ANO1: variants seen among roughly 807,000 people sequenced by gnomAD.
The protein encoded by ANO1 is anoctamin-1.
ANO1 carries 59 observed loss-of-function variants against 124.0 expected under a neutral mutation model. That is an observed-to-expected ratio of 0.48 (90% CI 0.39 to 0.59). The LOEUF (loss-of-function observed/expected upper bound fraction) is 0.59. Among genes scored for constraint, ANO1 ranks in the 20% least tolerant of loss-of-function variants. The probability of loss-of-function intolerance (pLI) is 0.00; values close to 1 mark genes in which losing one functional copy is unlikely to be tolerated. For missense variants in ANO1, 1,059 were observed against 1,328.0 expected, an observed-to-expected ratio of 0.80 and a Z score of 3.15; for synonymous variants, 529 against 532.0, an observed-to-expected ratio of 0.99 and a Z score of 0.08.
chr11:70,048,864 A>G (rs1249313386), intron 1 of ANO1, among the ~76,000 whole-genome samples: 2 of 152,100 alleles, frequency 1.3e-5, no homozygotes, highest in Admixed American at 6.5e-5. Flanking sequence ...CTCAGCAGAA[A>G]GTGGACAGAC....
chr11:70,024,593 C>T (rs1437107872), intron 1 of ANO1, among the ~76,000 whole-genome samples: 1 of 152,184 alleles, frequency 6.6e-6, no homozygotes, highest in Non-Finnish European at 1.5e-5. Flanking sequence ...TTGCAATACC[C>T]CTGGGAAGCT....
At chr11:69,979,367 T>C in the ANO1 span, among the ~76,000 whole-genome samples, 1 of 152,200 alleles carries the variant, frequency 6.6e-6, no homozygotes, top group Admixed American at 6.5e-5. Flanking sequence ...TGGAGTTGAC[T>C]AGAAATCTCT....
At chr11:70,079,890 TG>T (rs1471955562) in intron 1 of ANO1, among the ~76,000 whole-genome samples, 1 of 152,150 alleles carries the variant, frequency 6.6e-6, no homozygotes, top group Non-Finnish European at 1.5e-5. Flanking sequence ...GGGGGTGGCC[TG>T]GGGGCATCTC....
At chr11:70,050,261 C>A in intron 1 of ANO1, among the ~76,000 whole-genome samples, 1 of 152,124 alleles carries the variant, frequency 6.6e-6, no homozygotes, top group East Asian at 1.9e-4. Flanking sequence ...CTGTTTAGTA[C>A]CTGTCACAGG....
At position 70,187,971 on chromosome 11, in the gene ANO1, C is replaced by G. The variant is rs758026098; in HGVS notation, c.2928C>G (p.Ala976=). Residue 976 remains alanine (A), a synonymous_variant, in exon 26 of 26, where the codon GCC becomes GCG. Transcript: ENST00000355303. ...GCCCAGACAGCCTCGGCAGCCCAGC[C>G]CCCAGCCATGCCTACCACGGGGGCG... ...KACPDSLGSP[A]PSHAYHGGVL is the part of the protein sequence containing the mutation. The G allele has an allele frequency of 7.6e-6, 12 of 1,572,050 alleles. No homozygotes were observed. Among genetic ancestry groups the G allele is most frequent in the Non-Finnish European group, 8.6e-6 (10 of 1,159,412 alleles).
At chr11:70,035,682 C>T (rs1857082467) in intron 1 of ANO1, among the ~76,000 whole-genome samples, 1 of 152,046 alleles carries the variant, frequency 6.6e-6, no homozygotes, top group African/African-American at 2.4e-5. Flanking sequence ...TGCTCTCCCT[C>T]CCCTTGCTCC....
chr11:69,990,367 A>G (rs1308515560), intron 1 of ANO1, among the ~76,000 whole-genome samples: 3 of 152,246 alleles, frequency 2.0e-5, no homozygotes, highest in Non-Finnish European at 4.4e-5. Flanking sequence ...TTGAATGGAT[A>G]TACCACATTG....
At chr11:70,081,711 A>G (rs903803661) in intron 1 of ANO1, among the ~76,000 whole-genome samples, 8 of 152,230 alleles carry the variant, frequency 5.3e-5, no homozygotes, top group African/African-American at 1.7e-4. Context: ...ACAGTATTAA[A>G]GGTTAAAGGA....
chr11:70,087,908 C>G lies in ANO1; in HGVS notation c.265C>G (p.Pro89Ala). 1.9e-6 allele frequency: 3 copies of G among 1,610,398 alleles called. No individual in the cohort carries two copies. The highest frequency in any genetic ancestry group is 2.5e-6 in the Non-Finnish European group (3 of 1,178,720). ...LVRRVQHSDT[P>A]SGARSVKQDH... ...CAGGAGGGTGCAGCACAGCGACACC[C>G]CCTCTGGGGCTCGCAGCGTCAAGCA... Residue 89 changes from proline to alanine, a missense_variant, in exon 2 of 26, where the codon CCC becomes GCC. By Grantham distance (27) the Pro-to-Ala change is conservative. Coordinates refer to ENST00000355303, the MANE Select transcript of ANO1 (RefSeq NM_018043.7).
chr11:70,109,361 C>G (rs2045681325), intron 6 of ANO1, among the ~76,000 whole-genome samples: 2 of 152,202 alleles, frequency 1.3e-5, no homozygotes, highest in Admixed American at 6.5e-5. Context: ...GACGAACCCT[C>G]GACAGCTCTG....
chr11:70,125,916 G>A (rs568026126), intron 9 of ANO1, 145 bp from the exon 10 acceptor site: 247 of 910,456 alleles, frequency 2.7e-4, no homozygotes, highest in Non-Finnish European at 2.9e-4. Context: ...CTGATGGGGC[G>A]GCCCAGGACC....
intron 1 of ANO1, among the ~76,000 whole-genome samples, chr11:69,996,418 C>G (rs1856272547): frequency 6.6e-6 from 1 of 152,214 alleles, no homozygotes. Flanking sequence ...TGTGCCCTGA[C>G]TTCTACTGAC....
chr11:70,105,364 T>C (rs1477542160), intron 4 of ANO1, among the ~76,000 whole-genome samples: 1 of 152,062 alleles, frequency 6.6e-6, no homozygotes, highest in African/African-American at 2.4e-5. Flanking sequence ...GTGGCGGTGA[T>C]ACTGCCCCTG....
At chr11:69,999,728 C>T (rs1231743637) in intron 1 of ANO1, among the ~76,000 whole-genome samples, 5 of 152,196 alleles carry the variant, frequency 3.3e-5, no homozygotes, top group Middle Eastern at 3.2e-3. Context: ...TAAACATTTG[C>T]TGAATGAATG....
At chr11:70,187,139 G>A (rs1335971108) in intron 25 of ANO1, among the ~76,000 whole-genome samples, 1 of 152,242 alleles carries the variant, frequency 6.6e-6, no homozygotes, top group Non-Finnish European at 1.5e-5. Flanking sequence ...GCTGGGGACT[G>A]GGAGCACCAA....
chr11:70,091,389 A>C (rs1014058080), intron 2 of ANO1, among the ~76,000 whole-genome samples: 2 of 152,122 alleles, frequency 1.3e-5, no homozygotes, highest in Non-Finnish European at 2.9e-5. Flanking sequence ...CCACCCCCAA[A>C]ATTATGACTG....
chr11:70,105,060 G>C (rs190884591), intron 4 of ANO1, among the ~76,000 whole-genome samples: 1 of 151,984 alleles, frequency 6.6e-6, no homozygotes, highest in African/African-American at 2.4e-5. Flanking sequence ...AGAGGAAACC[G>C]CCCTCCTTCC....
intron 12 of ANO1, among the ~76,000 whole-genome samples, chr11:70,150,552 G>A (rs2047562569): frequency 6.6e-6 from 1 of 151,874 alleles, no homozygotes; most frequent in Non-Finnish European, 1.5e-5. Context: ...CCACTTTTTG[G>A]GAGACAGGGT....
At chr11:70,009,171 A>G (rs1280250557) in intron 1 of ANO1, among the ~76,000 whole-genome samples, 1 of 152,182 alleles carries the variant, frequency 6.6e-6, no homozygotes, top group African/African-American at 2.4e-5. Context: ...GCCAATTTGG[A>G]AATCAAAGGA....
Sources: gnomAD v4.1 joint callset for allele counts (sites outside exome capture counted in the v4.1 genomes callset) on GRCh38, gnomAD v4.1.1 for gene constraint, MANE v1.5 for transcripts, NCBI Gene and HGNC (gene_info 2026-07-23, HGNC 2026-07-21) for gene names.